The following MAGI2 variants were observed in gnomAD, a reference collection of about 807,000 sequenced individuals.
MAGI2 encodes membrane associated guanylate kinase, WW and PDZ domain containing 2.
A neutral mutation model predicts 133.3 loss-of-function variants in MAGI2; 35 were observed. The observed-to-expected ratio is 0.26, with a 90% CI of 0.20 to 0.35. The LOEUF (loss-of-function observed/expected upper bound fraction) is 0.35, where lower values mean the gene tolerates loss of function less well. Among genes scored for constraint, MAGI2 ranks in the 10% least tolerant of loss-of-function variants. MAGI2 has a pLI of 1.00. For synonymous variants in MAGI2, 729 were observed against 710.6 expected, an observed-to-expected ratio of 1.03 and a Z score of -0.41; for missense variants, 1,636 against 1,863.4, an observed-to-expected ratio of 0.88 and a Z score of 2.25.
intron 1 of MAGI2, among the ~76,000 whole-genome samples, chr7:79,149,864 T>TA (rs1452326021): frequency 6.6e-6 from 1 of 152,182 alleles, no homozygotes; most frequent in Non-Finnish European, 1.5e-5. Context: ...TCAAATTTTT[T>TA]AAAAATGGCA....
chr7:79,118,808 T>C lies in MAGI2; in HGVS notation c.302-111602A>G, dbSNP rs921092419. Among the ~76,000 whole-genome samples the C allele has an allele frequency of 2.0e-5, 3 of 152,134 alleles. No homozygotes were observed. The South Asian group carries it at 6.2e-4, about 32-fold the overall frequency. On this transcript the variant is annotated intron_variant, in intron 1 of 21. Coordinates refer to ENST00000354212, the MANE Select transcript of MAGI2 (RefSeq NM_012301.4). ...CATGACTACTCCCCCAAGCAGCTTC[T>C]GAATTGGCTTCAGGATATCATTGCT... is the stretch of plus-strand genomic sequence containing the variant.
intron 10 of MAGI2, among the ~76,000 whole-genome samples, chr7:78,202,074 C>T (rs1293899170): frequency 6.6e-6 from 1 of 152,134 alleles, no homozygotes; most frequent in Non-Finnish European, 1.5e-5. Context: ...GCACATAGAA[C>T]AAAATCATAT....
At chr7:78,260,543 T>C (rs552487655) in intron 9 of MAGI2, among the ~76,000 whole-genome samples, 1 of 152,312 alleles carries the variant, frequency 6.6e-6, no homozygotes, top group Admixed American at 6.5e-5. Flanking sequence ...AAAATACTTA[T>C]AATTTTATCA....
In MAGI2 at chr7:78,522,834, CACTT is replaced by C. The variant is rs555996605; in HGVS notation, c.539-1193_539-1190del. ...TTTTCAGTTAATTGAGTAATTTATGCACTTACTTGATCACTCATTAAAATCTTTA... is the reference window on the plus strand; with the variant it reads ...TTTTCAGTTAATTGAGTAATTTATGCACTTGATCACTCATTAAAATCTTTA... On this transcript the variant is annotated intron_variant, in intron 3 of 21. Transcript: ENST00000354212. Among the ~76,000 whole-genome samples the C allele has an allele frequency of 1.7e-3, 255 of 152,250 alleles. 1 individual carries two copies. The highest frequency in any genetic ancestry group is 5.9e-3 in the African/African-American group (244 of 41,530).
At chr7:79,202,367 G>A (rs1481259457) in intron 1 of MAGI2, among the ~76,000 whole-genome samples, 1 of 151,800 alleles carries the variant, frequency 6.6e-6, no homozygotes. Context: ...TTAATGTTTG[G>A]CTTTTCACTA....
chr7:78,197,025 T>C (rs995112887), intron 11 of MAGI2, among the ~76,000 whole-genome samples: 6 of 152,246 alleles, frequency 3.9e-5, no homozygotes, highest in Admixed American at 6.5e-5. Flanking sequence ...GGGGAATAAC[T>C]GTTAAATATG....
At chr7:78,051,334 G>A (rs958621203) in intron 21 of MAGI2, among the ~76,000 whole-genome samples, 5 of 152,272 alleles carry the variant, frequency 3.3e-5, no homozygotes, top group Non-Finnish European at 7.4e-5. Flanking sequence ...GTTGTACACA[G>A]CCCTCTGTTT....
intron 1 of MAGI2, among the ~76,000 whole-genome samples, chr7:79,017,252 G>A (rs1199633638): frequency 6.6e-6 from 1 of 152,184 alleles, no homozygotes; most frequent in African/African-American, 2.4e-5. Flanking sequence ...CTAACCTCCA[G>A]GGGCCACAGA....
At chr7:78,668,871 A>G (rs1049880137) in intron 2 of MAGI2, among the ~76,000 whole-genome samples, 2 of 151,702 alleles carry the variant, frequency 1.3e-5, no homozygotes, top group East Asian at 3.9e-4. Flanking sequence ...TTTGAAACCA[A>G]TGAGAACAAA....
intron 3 of MAGI2, among the ~76,000 whole-genome samples, chr7:78,566,640 T>C (rs939406766): frequency 2.0e-5 from 3 of 152,112 alleles, no homozygotes; most frequent in Admixed American, 1.3e-4. Flanking sequence ...GCAAGCTATG[T>C]GTAGTAAAAT....
intron 20 of MAGI2, among the ~76,000 whole-genome samples, chr7:78,085,656 AC>A (rs1320323417): frequency 6.6e-6 from 1 of 151,708 alleles, no homozygotes; most frequent in African/African-American, 2.4e-5. Flanking sequence ...GTGTGAAATG[AC>A]CCTTATGGAT....
intron 2 of MAGI2, among the ~76,000 whole-genome samples, chr7:78,844,171 G>C (rs1792387864): frequency 6.6e-6 from 1 of 151,344 alleles, no homozygotes; most frequent in African/African-American, 2.4e-5. Context: ...GTGACCAAAA[G>C]AGCAATAGCT....
intron 2 of MAGI2, among the ~76,000 whole-genome samples, chr7:78,763,098 G>T (rs1824674111): frequency 6.6e-6 from 1 of 152,184 alleles, no homozygotes; most frequent in Non-Finnish European, 1.5e-5. Flanking sequence ...ATGGTTAAAT[G>T]TGTTCTTTCA....
chr7:79,069,644 A>G (rs1584850510), intron 1 of MAGI2, among the ~76,000 whole-genome samples: 1 of 152,212 alleles, frequency 6.6e-6, no homozygotes, highest in African/African-American at 2.4e-5. Flanking sequence ...TGATCCTGTC[A>G]TTATGATGCT....
intron 2 of MAGI2, among the ~76,000 whole-genome samples, chr7:78,981,487 CTA>C (rs1317895248): frequency 6.6e-6 from 1 of 151,678 alleles, no homozygotes; most frequent in African/African-American, 2.4e-5. Flanking sequence ...TCACAATATT[CTA>C]TTTTTTCATT....
chr7:79,444,857 G>A (rs1471277115), intron 1 of MAGI2, among the ~76,000 whole-genome samples: 1 of 152,172 alleles, frequency 6.6e-6, no homozygotes, highest in Non-Finnish European at 1.5e-5. Flanking sequence ...GCATTGCCAA[G>A]TCAATCCTAA....
At chr7:79,049,220 T>C (rs1319539992) in intron 1 of MAGI2, among the ~76,000 whole-genome samples, 1 of 152,176 alleles carries the variant, frequency 6.6e-6, no homozygotes, top group Non-Finnish European at 1.5e-5. Flanking sequence ...AAATACTTAG[T>C]TCAAATTGTG....
At chr7:79,335,808 T>C (rs1840400456) in intron 1 of MAGI2, among the ~76,000 whole-genome samples, 1 of 152,128 alleles carries the variant, frequency 6.6e-6, no homozygotes, top group Non-Finnish European at 1.5e-5. Context: ...TTCAATAGTT[T>C]GGAAGTTAAT....
intron 21 of MAGI2, among the ~76,000 whole-genome samples, chr7:78,031,911 G>C (rs1013988329): frequency 4.0e-5 from 6 of 151,786 alleles, no homozygotes; most frequent in Non-Finnish European, 8.8e-5. Flanking sequence ...TATGTGCAGG[G>C]CTTGGGCATA....
Sources: gnomAD v4.1 joint callset for allele counts (sites outside exome capture counted in the v4.1 genomes callset) on GRCh38, gnomAD v4.1.1 for gene constraint, MANE v1.5 for transcripts, NCBI Gene and HGNC (gene_info 2026-07-23, HGNC 2026-07-21) for gene names.